The following GDI2 variants were observed in gnomAD, a reference collection of about 807,000 sequenced individuals.
The protein encoded by GDI2 is rab GDP dissociation inhibitor beta.
A neutral mutation model predicts 54.2 loss-of-function variants in GDI2; 22 were observed. That is an observed-to-expected ratio of 0.41 (90% CI 0.29 to 0.58). The LOEUF (loss-of-function observed/expected upper bound fraction) is 0.58. Among genes scored for constraint, GDI2 ranks in the 20% least tolerant of loss-of-function variants. The pLI, the probability that GDI2 is intolerant of heterozygous loss-of-function variation, is 0.35. For synonymous variants in GDI2, 177 were observed against 182.1 expected (o/e 0.97, Z 0.23); for missense variants, 422 against 546.0 (o/e 0.77, Z 2.26).
In GDI2 at chr10:5,813,417, G is replaced by A; in HGVS notation, c.-159C>T. 2.2e-6 allele frequency: 1 copy of A among 453,978 alleles called. No individual in the cohort carries two copies. Among genetic ancestry groups the A allele is most frequent in the East Asian group, 4.7e-5 (1 of 21,164 alleles). 28.1% of individuals were successfully genotyped at this position (453,978 alleles called of 1,614,324 possible). The stretch of plus-strand genomic sequence containing the variant: ...CAAGGCGAGACCGACCGCCACCTCA[G>A]ACGGGAAGAGAAGAACTGGGCGGGG... On this transcript the variant is annotated 5_prime_UTR_variant, in exon 1 of 11. Coordinates refer to ENST00000380191, the MANE Select transcript of GDI2 (RefSeq NM_001494.4).
chr10:5,783,218 A>AT (rs144106702), intron 6 of GDI2, among the ~76,000 whole-genome samples: 10 of 151,884 alleles, frequency 6.6e-5, no homozygotes, highest in South Asian at 2.1e-4. Flanking sequence ...TATCAAACTG[A>AT]TTTTTTTTAA....
chr10:5,792,382 A>C (rs146984137), intron 4 of GDI2, among the ~76,000 whole-genome samples: 2 of 152,346 alleles, frequency 1.3e-5, no homozygotes, highest in African/African-American at 4.8e-5. Context: ...TATGCCTAGC[A>C]TGTAAGTGCT....
intron 7 of GDI2, among the ~76,000 whole-genome samples, chr10:5,770,702 A>G (rs1840468346): frequency 6.6e-6 from 1 of 152,000 alleles, no homozygotes; most frequent in East Asian, 1.9e-4. Flanking sequence ...GCAGTGGCTG[A>G]CGCCTGTAAT....
intron 8 of GDI2, among the ~76,000 whole-genome samples, chr10:5,767,176 G>C (rs541961739): frequency 6.6e-6 from 1 of 151,188 alleles, no homozygotes; most frequent in Non-Finnish European, 1.5e-5. Flanking sequence ...CATTTGGATA[G>C]GAGAGCATTT....
At chr10:5,807,643 A>T (rs1198046930) in intron 1 of GDI2, among the ~76,000 whole-genome samples, 1 of 152,238 alleles carries the variant, frequency 6.6e-6, no homozygotes, top group Non-Finnish European at 1.5e-5. Context: ...TCTCCTACAT[A>T]AAAACAGGTA....
In GDI2 at chr10:5,766,245, C is replaced by T; in HGVS notation, c.1187G>A (p.Ser396Asn). The T allele has an allele frequency of 6.2e-7, 1 of 1,613,452 alleles. No homozygotes were observed. The highest frequency in any genetic ancestry group is 1.3e-5 in the African/African-American group (1 of 75,048). The change falls in exon 10 of 11, where the codon AGC (serine) becomes AAC (asparagine). Residue 396 changes from serine to asparagine, a missense_variant. Coordinates refer to ENST00000380191, the MANE Select transcript of GDI2 (RefSeq NM_001494.4). This position sits in a 1 kb window ranked among gnomAD's most constrained non-coding sequence, Gnocchi z 5.8. Reference protein sequence around the residue: ...LLVPKDLGTESQIFISRTYDA... With the variant: ...LLVPKDLGTENQIFISRTYDA... ...CTTTCACACTTCCATACTCACCTGG[C>T]TTTCTGTTCCCAAGTCTTTTGGTAC...
At chr10:5,794,137 A>G (rs751088272) in intron 4 of GDI2, among the ~76,000 whole-genome samples, 23 of 142,326 alleles carry the variant, frequency 1.6e-4, no homozygotes, top group Non-Finnish European at 3.0e-4. Context: ...ATCACACTCC[A>G]GCCTGGGTGA....
At position 5,813,359 on chromosome 10, in the gene GDI2, G is replaced by C; in HGVS notation, c.-101C>G. The C allele has an allele frequency of 1.2e-6, 1 of 838,324 alleles. No individual in the cohort carries two copies. The highest frequency in any genetic ancestry group is 1.9e-6 in the Non-Finnish European group (1 of 531,658). 51.9% of individuals were successfully genotyped at this position (838,324 alleles called of 1,614,324 possible). On this transcript the variant is annotated 5_prime_UTR_variant, in exon 1 of 11. Coordinates refer to ENST00000380191, the MANE Select transcript of GDI2 (RefSeq NM_001494.4). ...AGGCGCTCTTGGGCGCGAAGGAAAG[G>C]GGAAGAGAAAGAGAGGAAAATGGAG...
chr10:5,800,534 T>C (rs987543528), intron 2 of GDI2, 64 bp downstream of exon 2: 27 of 821,616 alleles, frequency 3.3e-5, no homozygotes, highest in Non-Finnish European at 5.7e-5. Flanking sequence ...AGGAATAAGG[T>C]AGAGATTCAC....
At chr10:5,808,371 G>T (rs895707700) in intron 1 of GDI2, among the ~76,000 whole-genome samples, 1 of 150,830 alleles carries the variant, frequency 6.6e-6, no homozygotes, top group East Asian at 2.0e-4. Flanking sequence ...AAATCCTACT[G>T]CATTTTAAAG....
chr10:5,770,931 A>G (rs1303718881), intron 7 of GDI2, among the ~76,000 whole-genome samples: 4 of 137,350 alleles, frequency 2.9e-5, no homozygotes, highest in Non-Finnish European at 4.5e-5. Flanking sequence ...ACGCCACTGC[A>G]CTCCAGCCTG....
rs1157855459 is a variant in GDI2, at chr10:5,776,882, G to A, written c.720-2941C>T. 3 of 973,986 alleles carry A rather than the reference G, an allele frequency of 3.1e-6. No homozygotes were observed. Among genetic ancestry groups the A allele is most frequent in the East Asian group, 5.1e-5 (2 of 39,170 alleles). 60.3% of individuals were successfully genotyped at this position (973,986 alleles called of 1,614,324 possible). On this transcript the variant is annotated intron_variant, in intron 6 of 10. Coordinates refer to ENST00000380191, the MANE Select transcript of GDI2 (RefSeq NM_001494.4). The surrounding 1 kb of genome is among the most constrained non-coding windows in gnomAD (Gnocchi z 5.3). ...AATTAAAATGGAAGGCCAGAGAAGA[G>A]GGGAGAAGAGGAAATAATGCGAAAA...
Position 5,800,625 on chromosome 10 carries a change from C to G in GDI2, c.126G>C (p.Glu42Asp). 1 of 1,581,126 alleles carries G rather than the reference C, an allele frequency of 6.3e-7. No homozygotes were observed. Among genetic ancestry groups the G allele is most frequent in the Non-Finnish European group, 8.7e-7 (1 of 1,149,848 alleles). ...CTTCCAATGGTGTTATAGATGCACT[C>G]TCTCCTCCGTAGTAAGGGTTTCGAT... is the stretch of plus-strand genomic sequence containing the variant. ...HMDRNPYYGGESASITPLEDL... is the reference protein window; with the variant it reads ...HMDRNPYYGGDSASITPLEDL... The change falls in exon 2 of 11, where the codon GAG (glutamate) becomes GAC (aspartate). Residue 42 changes from glutamate to aspartate, a missense_variant. Transcript: ENST00000380191.
chr10:5,805,484 G>A (rs1232328101), intron 1 of GDI2, among the ~76,000 whole-genome samples: 1 of 151,672 alleles, frequency 6.6e-6, no homozygotes, highest in Non-Finnish European at 1.5e-5. Context: ...AGGCTCAAGA[G>A]ATCCTCTAAC....
rs373728981 is a variant in GDI2 at position 5,768,260 on chromosome 10, T to G, written c.944A>C (p.Asn315Thr). ...SHPIKNTNDA[N>T]SCQIIIPQNQ... ...CTGTGGAATAATGATCTGGCAGGAGTTGGCATCATTGGTGTTCTTGATGGG... is the reference window on the plus strand; with the variant it reads ...CTGTGGAATAATGATCTGGCAGGAGGTGGCATCATTGGTGTTCTTGATGGG... Residue 315 changes from asparagine (N) to threonine (T), a missense_variant, in exon 8 of 11, where the codon AAC becomes ACC. Coordinates refer to ENST00000380191, the MANE Select transcript of GDI2 (RefSeq NM_001494.4). The surrounding 1 kb of genome is among the most constrained non-coding windows in gnomAD (Gnocchi z 4.4). The G allele has an allele frequency of 1.2e-6, 2 of 1,612,716 alleles. No homozygotes were observed. The highest frequency in any genetic ancestry group is 2.7e-5 in the African/African-American group (2 of 74,868).
intron 1 of GDI2, among the ~76,000 whole-genome samples, chr10:5,808,726 TACACACACACACAC>T (rs111237506): frequency 5.8e-5 from 8 of 138,290 alleles, no homozygotes; most frequent in Non-Finnish European, 1.1e-4. Context: ...AAACTACAAA[TACACACACACACAC>T]ACACACACAA....
At chr10:5,803,220 G>A (rs558253299) in intron 1 of GDI2, among the ~76,000 whole-genome samples, 11 of 152,156 alleles carry the variant, frequency 7.2e-5, no homozygotes, top group Non-Finnish European at 8.8e-5. Context: ...GAGTTGGATG[G>A]AGACCAGTCT....
At chr10:5,786,845 T>G (rs1338377279) in intron 4 of GDI2, among the ~76,000 whole-genome samples, 3 of 152,168 alleles carry the variant, frequency 2.0e-5, no homozygotes, top group African/African-American at 7.2e-5. Flanking sequence ...TCGATAAAAT[T>G]TCGATGCTGC....
intron 6 of GDI2, 119 bp downstream of exon 6, chr10:5,785,023 T>C (rs11598374): frequency 0.37 from 230,881 of 622,204 alleles, 43,421 homozygotes; most frequent in Non-Finnish European, 0.4. Context: ...TCAATAAAAA[T>C]AAAAAGCATC....
Sources: allele counts gnomAD v4.1 joint callset (sites outside exome capture counted in the v4.1 genomes callset), GRCh38; gene constraint gnomAD v4.1.1; non-coding constraint Gnocchi (gnomAD v3.1); transcripts MANE v1.5; gene names NCBI Gene and HGNC (gene_info 2026-07-23, HGNC 2026-07-21).